The following PML variants were observed in gnomAD, a reference collection of about 807,000 sequenced individuals.
PML encodes PML nuclear body scaffold.
PML carries 28 observed loss-of-function variants against 65.2 expected under a neutral mutation model. The observed-to-expected ratio is 0.43, with a 90% CI of 0.32 to 0.59. The LOEUF is 0.59. Among genes scored for constraint, PML ranks in the 20% least tolerant of loss-of-function variants. The probability of loss-of-function intolerance (pLI) is 0.08; values close to 1 mark genes in which losing one functional copy is unlikely to be tolerated. For synonymous variants in PML, 500 were observed against 508.8 expected (o/e 0.98, Z 0.23); for missense variants, 1,021 against 1,203.4 (o/e 0.85, Z 2.24).
chr15:74,019,614 ATTC>A (rs1363146200), intron 2 of PML, among the ~76,000 whole-genome samples: 2 of 152,244 alleles, frequency 1.3e-5, no homozygotes, highest in African/African-American at 4.8e-5. Context: ...CTATGAAGAT[ATTC>A]TTATTTTTCC....
chr15:74,046,401 G>T lies in PML; in HGVS notation c.*1393G>T, dbSNP rs1368454788. ...CTGGGATGCTTCCCAAGCAGCCCAG[G>T]CCTCTAGCCTCCATGGCTGATGACC... is the stretch of plus-strand genomic sequence containing the variant. On this transcript the variant is annotated 3_prime_UTR_variant, in exon 9 of 9. Transcript: ENST00000268058. 2.1e-5 allele frequency: 5 copies of T among 232,990 alleles called. No homozygotes were observed. The highest frequency in any genetic ancestry group is 4.4e-5 in the African/African-American group (2 of 45,416). 14.4% of individuals were successfully genotyped at this position (232,990 alleles called of 1,614,324 possible).
In PML at chr15:73,994,897, C is replaced by G. The variant is rs749399804; in HGVS notation, c.85C>G (p.Pro29Ala). The G allele has an allele frequency of 6.4e-7, 1 of 1,551,392 alleles. No individual in the cohort carries two copies. Among genetic ancestry groups the G allele is most frequent in the Admixed American group, 1.9e-5 (1 of 51,620 alleles). ...QEPTMPPPET[P>A]SEGRQPSPSP... Reference sequence around the variant, plus strand: ...GCCCACCATGCCTCCCCCCGAGACCCCCTCTGAAGGCCGCCAGCCCAGCCC... The same window carrying G: ...GCCCACCATGCCTCCCCCCGAGACCGCCTCTGAAGGCCGCCAGCCCAGCCC... The change falls in exon 1 of 9, where the codon CCC (proline) becomes GCC (alanine). Residue 29 changes from proline to alanine, a missense_variant. Transcript: ENST00000268058.
At chr15:74,024,998 G>C in intron 4 of PML, 71 bp downstream of exon 4, 2 of 975,748 alleles carry the variant, frequency 2.0e-6, no homozygotes, top group Non-Finnish European at 3.3e-6. Context: ...GAGTCCTGCT[G>C]TCCCTGTGTG....
chr15:73,999,834 A>ATT (rs368015472), intron 2 of PML, among the ~76,000 whole-genome samples: 30 of 135,764 alleles, frequency 2.2e-4, no homozygotes, highest in East Asian at 6.3e-4. Flanking sequence ...ATTTTTTTTA[A>ATT]TTTTTTTTTT....
chr15:73,996,124 T>C lies in PML; in HGVS notation c.129+1183T>C, dbSNP rs774350748. ...TTCCTATGTTAACCATTTATAAGTGTACCATTCAGTGGCATTAAGTAGATT... is the reference window on the plus strand; with the variant it reads ...TTCCTATGTTAACCATTTATAAGTGCACCATTCAGTGGCATTAAGTAGATT... On this transcript the variant is annotated intron_variant, in intron 1 of 8. Transcript: ENST00000268058. 2.6e-5 allele frequency among the ~76,000 whole-genome samples: 4 copies of C among 152,214 alleles called. No individual in the cohort carries two copies. In the South Asian group the frequency reaches 6.2e-4, roughly 24 times the overall value.
At position 74,033,599 on chromosome 15, in the gene PML, T is replaced by C. The variant is rs1205680786; in HGVS notation, c.1657+185T>C. ...AGAGTGGACACAGTTTACCATGTGT[T>C]TTGCCATGATTGAGGTGTGGGGAGC... is the stretch of plus-strand genomic sequence containing the variant. On this transcript the variant is annotated intron_variant, in intron 6 of 8. Transcript: ENST00000268058. The C allele has an allele frequency of 5.4e-6, 4 of 743,906 alleles. No individual in the cohort carries two copies. In the Admixed American group the frequency reaches 6.0e-5, roughly 11 times the overall value. 46.1% of individuals were successfully genotyped at this position (743,906 alleles called of 1,614,324 possible).
At position 74,045,932 on chromosome 15, in the gene PML, C is replaced by T. The variant is rs746740778; in HGVS notation, c.*924C>T. The stretch of plus-strand genomic sequence containing the variant: ...CAGTCTGTGTTTTAACAGGTTCTCC[C>T]GGTGATGCTGGTGCATGCTCAAGTT... On this transcript the variant is annotated 3_prime_UTR_variant, in exon 9 of 9. Transcript: ENST00000268058. 1 of 232,074 alleles carries T rather than the reference C, an allele frequency of 4.3e-6. No homozygotes were observed. Among genetic ancestry groups the T allele is most frequent in the Non-Finnish European group, 8.5e-6 (1 of 117,390 alleles). The allele number at this position is 232,074 out of a possible 1,614,324, so 14.4% of individuals were successfully genotyped here.
chr15:74,032,864 T>C, intron 5 of PML, 149 bp downstream of exon 5: 1 of 900,590 alleles, frequency 1.1e-6, no homozygotes, highest in Non-Finnish European at 1.8e-6. Context: ...TGCTCTCCCC[T>C]GTTCTTGGCT....
In PML at chr15:74,029,080, G is replaced by A. The variant is rs1215529873; in HGVS notation, c.1255-3492G>A. ...AATTTTTTTTTTGAGGAATCACCAT[G>A]CTGTTTTCCATTTTTTATTGCACCA... On this transcript the variant is annotated intron_variant, in intron 4 of 8. Transcript: ENST00000268058. Among the ~76,000 whole-genome samples, 4 of 151,862 alleles carry A rather than the reference G, an allele frequency of 2.6e-5. No individual in the cohort carries two copies. The South Asian group carries it at 8.3e-4, about 32-fold the overall frequency.
rs550995360 is a variant in PML, at chr15:74,035,756, C to T, written c.1710+1226C>T. 33 of 1,614,062 alleles carry T rather than the reference C, an allele frequency of 2.0e-5. No individual in the cohort carries two copies. The highest frequency in any genetic ancestry group is 2.0e-4 in the Admixed American group (12 of 60,014). On this transcript the variant is annotated intron_variant, in intron 7 of 8. Transcript: ENST00000268058. The surrounding 1 kb of genome is among the most constrained non-coding windows in gnomAD (Gnocchi z 4.1). ...TGGCTTCCCAGCTTGACATGTCTTC[C>T]GTGGTGGGGGCAGGGGAAAGCAGAG...
Position 74,018,353 on chromosome 15 carries a change from G to A in PML, c.603-4475G>A, listed in dbSNP as rs115699481. ...AAAAAAAAAAGAAAAGAAAAAGAAA[G>A]AAAAGAAATTTAGAATACTTTGGTT... On this transcript the variant is annotated intron_variant, in intron 2 of 8. Transcript: ENST00000268058. Among the ~76,000 whole-genome samples, 200 of 150,194 alleles carry A rather than the reference G, an allele frequency of 1.3e-3. 1 individual carries two copies. Among genetic ancestry groups the A allele is most frequent in the African/African-American group, 4.7e-3 (191 of 41,018 alleles).
intron 7 of PML, among the ~76,000 whole-genome samples, chr15:74,040,772 G>A (rs1338273907): frequency 6.6e-6 from 1 of 152,236 alleles, no homozygotes; most frequent in Non-Finnish European, 1.5e-5. Context: ...GGGCTGAAAG[G>A]TCCAGCCTCT....
Position 74,044,581 on chromosome 15 carries a change from G to A in PML, c.2222G>A (p.Arg741His), listed in dbSNP as rs369136208. Residue 741 changes from arginine (R) to histidine (H), a missense_variant, in exon 9 of 9, where the codon CGC becomes CAC. Transcript: ENST00000268058. ...QTYLARNMSE[R>H]SAMAAVLAMR... The stretch of plus-strand genomic sequence containing the variant: ...TACCTGGCGAGAAACATGAGCGAGC[G>A]CAGCGCCATGGCTGCCGTGCTGGCC... 8.9e-5 allele frequency: 144 copies of A among 1,610,208 alleles called. 1 individual carries two copies. The highest frequency in any genetic ancestry group is 1.2e-4 in the Non-Finnish European group (137 of 1,180,018).
chr15:74,031,982 C>T (rs2071341719), intron 4 of PML, among the ~76,000 whole-genome samples: 1 of 152,122 alleles, frequency 6.6e-6, no homozygotes. Context: ...TAGTAGCTGA[C>T]CCAGGTAGAG....
intron 4 of PML, chr15:74,032,258 G>A (rs1031269810): frequency 2.0e-5 from 8 of 404,502 alleles, no homozygotes; most frequent in Admixed American, 7.7e-5. Context: ...GATGCCAGTC[G>A]CGGTGGCTCG....
rs759066056 is a variant in PML, at chr15:73,994,804, C to G, written c.-9C>G. The G allele has an allele frequency of 3.9e-6, 6 of 1,552,642 alleles. No homozygotes were observed. In the South Asian group the frequency reaches 7.1e-5, roughly 18 times the overall value. On this transcript the variant is annotated 5_prime_UTR_variant, in exon 1 of 9. Transcript: ENST00000268058. ...ATCTAAACCGAGAATCGAAACTAAG[C>G]TGGGGTCCATGGAGCCTGCACCCGC... is the stretch of plus-strand genomic sequence containing the variant.
At chr15:74,023,514 T>A (rs2070939005) in intron 3 of PML, 106 bp downstream of exon 3, 1 of 925,030 alleles carries the variant, frequency 1.1e-6, no homozygotes, top group South Asian at 1.4e-5. Context: ...AAACTGGGTG[T>A]TTATTCAGTC....
At chr15:74,029,480 C>T (rs143358052) in intron 4 of PML, among the ~76,000 whole-genome samples, 91 of 152,034 alleles carry the variant, frequency 6.0e-4, no homozygotes, top group Admixed American at 7.2e-4. Context: ...AAACATTAGC[C>T]GGGCGTGATG....
Position 74,037,470 on chromosome 15 carries a change from C to G in PML, c.1710+2940C>G, listed in dbSNP as rs1488273812. 7 of 985,232 alleles carry G rather than the reference C, an allele frequency of 7.1e-6. No homozygotes were observed. Among genetic ancestry groups the G allele is most frequent in the Non-Finnish European group, 8.4e-6 (7 of 829,934 alleles). The allele number at this position is 985,232 out of a possible 1,614,324, so 61.0% of individuals were successfully genotyped here. On this transcript the variant is annotated intron_variant, in intron 7 of 8. Coordinates refer to ENST00000268058, the MANE Select transcript of PML (RefSeq NM_033238.3). The surrounding 1 kb of genome is among the most constrained non-coding windows in gnomAD (Gnocchi z 4.2). ...TATCCACTGCCTTCTGAACTAAACA[C>G]CCTGAATGAGGTCTTTCTCATCTCA...
Sources: gnomAD v4.1 joint callset for allele counts (sites outside exome capture counted in the v4.1 genomes callset) on GRCh38, gnomAD v4.1.1 for gene constraint, Gnocchi (gnomAD v3.1) non-coding constraint, MANE v1.5 for transcripts, NCBI Gene and HGNC (gene_info 2026-07-23, HGNC 2026-07-21) for gene names.